The following BLTP1 variants were observed in gnomAD, a reference collection of about 807,000 sequenced individuals.
The protein encoded by BLTP1 is bridge-like lipid transfer protein family member 1.
chr4:122,224,262 G>T, the BLTP1 span, among the ~76,000 whole-genome samples: 10 of 152,226 alleles, frequency 6.6e-5, no homozygotes, highest in African/African-American at 2.4e-4. Context: ...TACTATTTAA[G>T]ACTCAGCTAT....
the BLTP1 span, chr4:122,189,928 A>T: frequency 6.5e-7 from 1 of 1,545,306 alleles, no homozygotes; most frequent in Non-Finnish European, 8.7e-7. Context: ...TATTGCCAGC[A>T]TTAACTAGGA....
chr4:122,226,403 G>A, the BLTP1 span: 1 of 1,085,192 alleles, frequency 9.2e-7, no homozygotes, highest in Non-Finnish European at 1.1e-6. Flanking sequence ...ATATAAGAGG[G>A]AAGATATATA....
the BLTP1 span, among the ~76,000 whole-genome samples, chr4:122,259,690 T>G: frequency 6.6e-6 from 1 of 151,982 alleles, no homozygotes; most frequent in African/African-American, 2.4e-5. Flanking sequence ...TGAAACCCCA[T>G]TTCTACTAAA....
the BLTP1 span, among the ~76,000 whole-genome samples, chr4:122,252,998 G>A: frequency 4.6e-5 from 7 of 152,172 alleles, no homozygotes; most frequent in Non-Finnish European, 1.0e-4. Flanking sequence ...GATAATAAGA[G>A]CCTCTGTCTG....
At chr4:122,348,798 T>C in the BLTP1 span, 1 of 882,720 alleles carries the variant, frequency 1.1e-6, no homozygotes, top group Non-Finnish European at 1.7e-6. Flanking sequence ...ATTCAGAACC[T>C]TTTTTGAATG....
At chr4:122,223,550 A>C in the BLTP1 span, among the ~76,000 whole-genome samples, 2 of 152,194 alleles carry the variant, frequency 1.3e-5, no homozygotes, top group African/African-American at 4.8e-5. Context: ...AGAACATTAA[A>C]ATTAAGATAA....
chr4:122,196,704 TG>T, the BLTP1 span: 1 of 1,612,188 alleles, frequency 6.2e-7, no homozygotes, highest in South Asian at 1.1e-5. Context: ...TTGCACAGCC[TG>T]GGAGACCAAG....
At chr4:122,249,603 T>G in the BLTP1 span, 1 of 1,613,810 alleles carries the variant, frequency 6.2e-7, no homozygotes, top group Non-Finnish European at 8.5e-7. Context: ...CTGTTCCAGA[T>G]GTAACTCGAA....
chr4:122,202,469 G>A, the BLTP1 span: 1 of 351,716 alleles, frequency 2.8e-6, no homozygotes, highest in Non-Finnish European at 4.0e-6. Flanking sequence ...AAAACAGTAT[G>A]TCCAGGGTCA....
chr4:122,188,357 C>T, the BLTP1 span: 2 of 364,388 alleles, frequency 5.5e-6, no homozygotes, highest in Admixed American at 6.5e-5. Context: ...TGGAAACTTA[C>T]TTTGTGCAAT....
At chr4:122,186,391 A>G in the BLTP1 span, among the ~76,000 whole-genome samples, 1 of 151,994 alleles carries the variant, frequency 6.6e-6, no homozygotes, top group Non-Finnish European at 1.5e-5. Flanking sequence ...TTGAGATAAT[A>G]TAGAATATGT....
At chr4:122,167,761 G>C in the BLTP1 span, 3 of 985,244 alleles carry the variant, frequency 3.0e-6, no homozygotes, top group Admixed American at 6.2e-5. Context: ...TCCAGCTCTA[G>C]GCCGCTGAGA....
At chr4:122,209,183 T>C in the BLTP1 span, 4 of 1,610,494 alleles carry the variant, frequency 2.5e-6, no homozygotes, top group South Asian at 2.2e-5. Flanking sequence ...TCTTCATTTG[T>C]TTCTACCAGA....
At chr4:122,175,271 A>G in the BLTP1 span, 1 of 984,690 alleles carries the variant, frequency 1.0e-6, no homozygotes, top group Non-Finnish European at 1.2e-6. Flanking sequence ...CAACTTCTAT[A>G]CTAGTCTAAA....
At chr4:122,263,598 C>T in the BLTP1 span, 19 of 1,591,074 alleles carry the variant, frequency 1.2e-5, no homozygotes, top group Non-Finnish European at 1.6e-5. Context: ...AGTCTTCCCA[C>T]AGGTATTGAG....
the BLTP1 span, chr4:122,188,053 T>A: frequency 6.4e-7 from 1 of 1,554,920 alleles, no homozygotes; most frequent in Middle Eastern, 1.7e-4. Flanking sequence ...TCATGCTTGT[T>A]CCTAGTCCAA....
At chr4:122,318,134 GT>G in the BLTP1 span, 1 of 1,591,852 alleles carries the variant, frequency 6.3e-7, no homozygotes, top group Non-Finnish European at 8.5e-7. Context: ...TGCCATATTT[GT>G]TTTGCATCCA....
chr4:122,255,399 G>A, the BLTP1 span: 1 of 734,756 alleles, frequency 1.4e-6, no homozygotes, highest in East Asian at 2.6e-5. Flanking sequence ...CTATAGGCCT[G>A]TAATCCCAGC....
chr4:122,342,221 G>A, the BLTP1 span, among the ~76,000 whole-genome samples: 1 of 152,142 alleles, frequency 6.6e-6, no homozygotes, highest in Non-Finnish European at 1.5e-5. Context: ...GAGATGGAAG[G>A]AAATGGACAG....
Sources: gnomAD v4.1 joint callset for allele counts (sites outside exome capture counted in the v4.1 genomes callset) on GRCh38, gnomAD v4.1.1 for gene constraint, MANE v1.5 for transcripts, NCBI Gene and HGNC (gene_info 2026-07-23, HGNC 2026-07-21) for gene names.